The following PCDHGA2 variants were observed in gnomAD, a reference collection of about 807,000 sequenced individuals.
The protein encoded by PCDHGA2 is protocadherin gamma-A2.
Under a neutral mutation model 59.2 loss-of-function variants are expected in PCDHGA2, and 40 were observed. The ratio of observed to expected loss-of-function variants is 0.68; its 90% confidence interval spans 0.52 to 0.88. The LOEUF is 0.88. Among genes scored for constraint, PCDHGA2 ranks in the 40% least tolerant of loss-of-function variants. The pLI is 0.00. For synonymous variants in PCDHGA2, 560 were observed against 526.0 expected (o/e 1.06, Z -0.89); for missense variants, 1,226 against 1,204.0 (o/e 1.02, Z -0.27).
chr5:141,418,589 C>G lies in PCDHGA2; in HGVS notation c.2425-76218C>G, dbSNP rs184213052. ...CAATGACAACCCCCCAGTGTTCAGC[C>G]AGGACGTGTACAGGGTTAGCCTTCG... On this transcript the variant is annotated intron_variant, in intron 1 of 3. Transcript: ENST00000394576. 5.5e-4 allele frequency: 884 copies of G among 1,614,012 alleles called. 4 individuals carry two copies. Among genetic ancestry groups the G allele is most frequent in the South Asian group, 4.0e-3 (361 of 91,086 alleles).
At position 141,490,591 on chromosome 5, in the gene PCDHGA2, G is replaced by A; in HGVS notation, c.2425-4216G>A. 1 of 1,614,100 alleles carries A rather than the reference G, an allele frequency of 6.2e-7. No homozygotes were observed. Among genetic ancestry groups the A allele is most frequent in the African/African-American group, 1.3e-5 (1 of 75,016 alleles). ...CAACATTTCAGATGTCAATGACAAT[G>A]CACCCCGCTTCAACCAGCAGCTTTA... On this transcript the variant is annotated intron_variant, in intron 1 of 3. Coordinates refer to ENST00000394576, the MANE Select transcript of PCDHGA2 (RefSeq NM_018915.4). This position sits in a 1 kb window ranked among gnomAD's most constrained non-coding sequence, Gnocchi z 5.4.
rs201241764 is a variant in PCDHGA2 at position 141,339,116 on chromosome 5, G to A, written c.145G>A (p.Ala49Thr). Residue 49 changes from alanine to threonine, a missense_variant, in exon 1 of 4, where the codon GCC (alanine) becomes ACC (threonine). Ala to Thr is a moderately conservative substitution (Grantham distance 58). Transcript: ENST00000394576. ...CAGAGGCTCCTTCGTAGGCAACATC[G>A]CCAAGGACTTGGGTTTGGAGCCCCT... ...IDRGSFVGNI[A>T]KDLGLEPLAL... 2.2e-5 allele frequency: 36 copies of A among 1,614,224 alleles called. No homozygotes were observed. The East Asian group carries it at 7.4e-4, about 33-fold the overall frequency.
chr5:141,342,866 A>G (rs1170714054), intron 1 of PCDHGA2: 1 of 152,210 alleles, frequency 6.6e-6, no homozygotes, highest in Admixed American at 6.5e-5. Context: ...TGGTTTTGAA[A>G]AAACATCCTT....
At chr5:141,344,091 C>T (rs1483568435) in intron 1 of PCDHGA2, 2 of 1,613,434 alleles carry the variant, frequency 1.2e-6, no homozygotes, top group East Asian at 2.2e-5. Flanking sequence ...GTGCGCGCTC[C>T]TGGGGACGCT....
At chr5:141,376,660 T>G in intron 1 of PCDHGA2, 2 of 886,650 alleles carry the variant, frequency 2.3e-6, no homozygotes, top group South Asian at 3.6e-5. Flanking sequence ...GACTCCCTTG[T>G]TCAGGTGAGG....
rs577239742 is a variant in PCDHGA2 at position 141,501,564 on chromosome 5, T to C, written c.2484-3829T>C. ...CATAAGATCATAGGCCCTGGAATCA[T>C]ATTAGGCTGGCTTTCAGGTTGCAAC... On this transcript the variant is annotated intron_variant, in intron 2 of 3. Coordinates refer to ENST00000394576, the MANE Select transcript of PCDHGA2 (RefSeq NM_018915.4). 5.9e-5 allele frequency among the ~76,000 whole-genome samples: 9 copies of C among 152,194 alleles called. No individual in the cohort carries two copies. The South Asian group carries it at 1.7e-3, about 28-fold the overall frequency.
At chr5:141,353,559 C>T (rs1360200137) in intron 1 of PCDHGA2, among the ~76,000 whole-genome samples, 1 of 152,026 alleles carries the variant, frequency 6.6e-6, no homozygotes, top group Non-Finnish European at 1.5e-5. Context: ...AATATTATTC[C>T]CACTCTATAA....
intron 1 of PCDHGA2, chr5:141,471,166 C>T (rs1427053969): frequency 2.0e-5 from 3 of 150,492 alleles, no homozygotes; most frequent in Non-Finnish European, 2.9e-5. Context: ...TCTCCTGGCT[C>T]AGCCTCCCTA....
intron 1 of PCDHGA2, chr5:141,398,152 G>T: frequency 5.3e-6 from 8 of 1,498,488 alleles, no homozygotes; most frequent in Non-Finnish European, 7.1e-6. Context: ...CGGGGAGCTG[G>T]GCCGGGCTGA....
chr5:141,383,826 T>C, intron 1 of PCDHGA2: 1 of 1,613,966 alleles, frequency 6.2e-7, no homozygotes, highest in Non-Finnish European at 8.5e-7. Flanking sequence ...GATTAGATTA[T>C]GAAGAAACTG....
chr5:141,339,399 G>C lies in PCDHGA2; in HGVS notation c.428G>C (p.Ser143Thr). The change falls in exon 1 of 4, where the codon AGT becomes ACT. Residue 143 changes from serine (S) to threonine (T), a missense_variant. Coordinates refer to ENST00000394576, the MANE Select transcript of PCDHGA2 (RefSeq NM_018915.4). Reference sequence around the variant, plus strand: ...GTAGAGGAACTGGAGCTAAAAATCAGTGAAACCACTACGCCAGGATTCCGG... The same window carrying C: ...GTAGAGGAACTGGAGCTAAAAATCACTGAAACCACTACGCCAGGATTCCGG... Reference protein sequence around the residue: ...FGVEELELKISETTTPGFRIP... With the variant: ...FGVEELELKITETTTPGFRIP... 6.2e-7 allele frequency: 1 copy of C among 1,614,228 alleles called. No homozygotes were observed. The highest frequency in any genetic ancestry group is 1.3e-5 in the African/African-American group (1 of 75,066).
intron 1 of PCDHGA2, chr5:141,441,986 C>G (rs2098288559): frequency 7.4e-6 from 2 of 269,216 alleles, no homozygotes; most frequent in Non-Finnish European, 1.5e-5. Flanking sequence ...GAATGCGCAC[C>G]GACGAGGTGC....
chr5:141,490,251 A>G lies in PCDHGA2; in HGVS notation c.2425-4556A>G, dbSNP rs1479384008. ...CCATGGAGGGCCACTGTGTGATTCA[A>G]GTGGATGTGGGGGATGTCAATGACA... is the stretch of plus-strand genomic sequence containing the variant. On this transcript the variant is annotated intron_variant, in intron 1 of 3. Coordinates refer to ENST00000394576, the MANE Select transcript of PCDHGA2 (RefSeq NM_018915.4). This position sits in a 1 kb window ranked among gnomAD's most constrained non-coding sequence, Gnocchi z 5.4. 6.2e-7 allele frequency: 1 copy of G among 1,614,210 alleles called. No homozygotes were observed. Among genetic ancestry groups the G allele is most frequent in the Non-Finnish European group, 8.5e-7 (1 of 1,180,036 alleles).
In PCDHGA2 at chr5:141,511,405, T is replaced by C. The variant is rs1274658643; in HGVS notation, c.*232T>C. The C allele has an allele frequency of 2.2e-5, 21 of 944,066 alleles. No homozygotes were observed. In the East Asian group the frequency reaches 5.8e-4, roughly 26 times the overall value. 58.5% of individuals were successfully genotyped at this position (944,066 alleles called of 1,614,324 possible). On this transcript the variant is annotated 3_prime_UTR_variant, in exon 4 of 4. Transcript: ENST00000394576. ...CGCTGGGAACCCCCATCCAATCAACTGCTGTACCCATGGGGGTAGTGGGGT... is the reference window on the plus strand; with the variant it reads ...CGCTGGGAACCCCCATCCAATCAACCGCTGTACCCATGGGGGTAGTGGGGT...
chr5:141,338,948 G>A lies in PCDHGA2; in HGVS notation c.-24G>A. On this transcript the variant is annotated 5_prime_UTR_variant, in exon 1 of 4. Transcript: ENST00000394576. The stretch of plus-strand genomic sequence containing the variant: ...CGCACTGGATGCTGGAAGTTGACTC[G>A]GAGAAAATTGCGACAGGAGGGAAAT... 6.6e-7 allele frequency: 1 copy of A among 1,523,508 alleles called. No individual in the cohort carries two copies. Among genetic ancestry groups the A allele is most frequent in the Non-Finnish European group, 8.8e-7 (1 of 1,135,686 alleles). The allele number at this position is 1,523,508 out of a possible 1,614,324, so 94.4% of individuals were successfully genotyped here.
chr5:141,478,106 G>A (rs1474192496), intron 1 of PCDHGA2: 1 of 1,613,928 alleles, frequency 6.2e-7, no homozygotes, highest in Non-Finnish European at 8.5e-7. Context: ...TACCCTCACT[G>A]TGTCAGTAAC....
intron 1 of PCDHGA2, chr5:141,343,200 C>T (rs1757267113): frequency 6.0e-6 from 4 of 665,208 alleles, no homozygotes; most frequent in Non-Finnish European, 7.4e-6. Flanking sequence ...TGTCTGATGC[C>T]TAATTATGTG....
intron 1 of PCDHGA2, chr5:141,371,737 A>G (rs762168645): frequency 6.2e-7 from 1 of 1,614,038 alleles, no homozygotes; most frequent in South Asian, 1.1e-5. Context: ...GTCAACGACA[A>G]CGTTCCCGTT....
At chr5:141,351,511 A>C (rs371747733) in intron 1 of PCDHGA2, 1 of 1,614,018 alleles carries the variant, frequency 6.2e-7, no homozygotes. Context: ...ACAACGTCAC[A>C]ATCATAGCCA....
Sources: allele counts gnomAD v4.1 joint callset (sites outside exome capture counted in the v4.1 genomes callset), GRCh38; gene constraint gnomAD v4.1.1; non-coding constraint Gnocchi (gnomAD v3.1); transcripts MANE v1.5; gene names NCBI Gene and HGNC (gene_info 2026-07-23, HGNC 2026-07-21).